CCND1: variants seen among roughly 807,000 people sequenced by gnomAD.
CCND1 encodes the protein G1/S-specific cyclin-D1.
In CCND1, 9 loss-of-function variants were observed where a neutral mutation model predicts 26.1. The ratio of observed to expected loss-of-function variants is 0.35; its 90% CI spans 0.21 to 0.60. CCND1 has a LOEUF of 0.60. CCND1 is among the 20% of genes least tolerant of loss of function. The pLI is 0.79. For missense variants in CCND1, 335 were observed against 392.9 expected (o/e 0.85, Z 1.25); for synonymous variants, 194 against 166.1 (o/e 1.17, Z -1.29).
chr11:69,651,622 C>A lies in CCND1; in HGVS notation c.*340C>A, dbSNP rs1040977626. ...CGTTTTTATATTAATGTACTTGTTTCTCTGTTGTAAGAATAGGCATTAACA... is the reference window on the plus strand; with the variant it reads ...CGTTTTTATATTAATGTACTTGTTTATCTGTTGTAAGAATAGGCATTAACA... On this transcript the variant is annotated 3_prime_UTR_variant, in exon 5 of 5. Coordinates refer to ENST00000227507, the MANE Select transcript of CCND1 (RefSeq NM_053056.3). 6 of 265,228 alleles carry A rather than the reference C, an allele frequency of 2.3e-5. No homozygotes were observed. Among genetic ancestry groups the A allele is most frequent in the African/African-American group, 1.1e-4 (5 of 46,274 alleles). The allele number at this position is 265,228 out of a possible 1,614,324, so 16.4% of individuals were successfully genotyped here. A position where few individuals can be genotyped will look rare whatever the true frequency, so the allele number is the denominator to read the frequency against.
rs569880642 is a variant in CCND1, at chr11:69,648,924, C to T, written c.723+782C>T. Among the ~76,000 whole-genome samples the T allele has an allele frequency of 2.6e-5, 4 of 152,292 alleles. No homozygotes were observed. The South Asian group carries it at 8.3e-4, about 32-fold the overall frequency. ...TCAGCAGATGCTATCTAGGGTCCAC[C>T]TGCCTGTCCCCTGCCTAGTGGTGCC... On this transcript the variant is annotated intron_variant, in intron 4 of 4. Coordinates refer to ENST00000227507, the MANE Select transcript of CCND1 (RefSeq NM_053056.3).
chr11:69,651,413 GGTT>G lies in CCND1; in HGVS notation c.*135_*137del, dbSNP rs1855854484. The G allele has an allele frequency of 2.5e-6, 2 of 802,930 alleles. No individual in the cohort carries two copies. The highest frequency in any genetic ancestry group is 3.5e-6 in the Non-Finnish European group (2 of 569,080). 49.7% of individuals were successfully genotyped at this position (802,930 alleles called of 1,614,324 possible). A position where few individuals can be genotyped will look rare whatever the true frequency, so the allele number is the denominator to read the frequency against. ...GGAAAGCTTCATTCTCCTTGTTGTT[GGTT>G]GTTTTTTCCTTTGCTCTTTCCCCCT... On this transcript the variant is annotated 3_prime_UTR_variant, in exon 5 of 5. Coordinates refer to ENST00000227507, the MANE Select transcript of CCND1 (RefSeq NM_053056.3).
intron 3 of CCND1, among the ~76,000 whole-genome samples, chr11:69,646,427 T>C (rs907442478): frequency 6.6e-6 from 1 of 152,064 alleles, no homozygotes; most frequent in African/African-American, 2.4e-5. Context: ...AGTTGTTTAT[T>C]CTCTCGGGAT....
In CCND1 at chr11:69,651,669, G is replaced by T; in HGVS notation, c.*387G>T. ...AACACAAAGGAGGCGTCTCGGGAGA[G>T]GATTAGGTTCCATCCTTTACGTGTT... is the stretch of plus-strand genomic sequence containing the variant. On this transcript the variant is annotated 3_prime_UTR_variant, in exon 5 of 5. Coordinates refer to ENST00000227507, the MANE Select transcript of CCND1 (RefSeq NM_053056.3). 4.1e-6 allele frequency: 1 copy of T among 245,162 alleles called. No individual in the cohort carries two copies. Among genetic ancestry groups the T allele is most frequent in the Non-Finnish European group, 7.9e-6 (1 of 126,744 alleles). The allele number at this position is 245,162 out of a possible 1,614,324, so 15.2% of individuals were successfully genotyped here. A position where few individuals can be genotyped will look rare whatever the true frequency, so the allele number is the denominator to read the frequency against.
At chr11:69,644,776 G>A (rs942269727) in intron 3 of CCND1, among the ~76,000 whole-genome samples, 1 of 152,174 alleles carries the variant, frequency 6.6e-6, no homozygotes, top group African/African-American at 2.4e-5. Context: ...CCCTGTGACC[G>A]CCTCCTTCCC....
At chr11:69,641,620 T>C (rs1855701563) in intron 1 of CCND1, 109 bp downstream of exon 1, 1 of 1,111,194 alleles carries the variant, frequency 9.0e-7, no homozygotes, top group Non-Finnish European at 1.3e-6. Flanking sequence ...AACTTTGAAG[T>C]TTGCCGTGGT....
chr11:69,645,245 C>G (rs541214852), intron 3 of CCND1, among the ~76,000 whole-genome samples: 2 of 152,138 alleles, frequency 1.3e-5, no homozygotes, highest in Non-Finnish European at 2.9e-5. Flanking sequence ...GAGAGGCCTC[C>G]GGAGACTCCA....
intron 3 of CCND1, among the ~76,000 whole-genome samples, chr11:69,647,221 G>C (rs1418601406): frequency 6.8e-6 from 1 of 147,376 alleles, no homozygotes; most frequent in Non-Finnish European, 1.5e-5. Context: ...GCCAGAAATA[G>C]GAGAGTTGTG....
chr11:69,646,323 GT>G (rs1046369175), intron 3 of CCND1, among the ~76,000 whole-genome samples: 12 of 152,292 alleles, frequency 7.9e-5, no homozygotes, highest in African/African-American at 2.6e-4. Context: ...TTTCTAAGTT[GT>G]TACGGCGCCC....
chr11:69,649,628 G>A (rs895738105), intron 4 of CCND1, among the ~76,000 whole-genome samples: 5 of 152,244 alleles, frequency 3.3e-5, no homozygotes, highest in African/African-American at 9.6e-5. Context: ...GCGGAGGAGC[G>A]TGCTGCCTTT....
rs751995000 is a variant in CCND1, at chr11:69,643,156, C to A, written c.324C>A (p.Phe108Leu). 4 of 1,609,418 alleles carry A rather than the reference C, an allele frequency of 2.5e-6. No individual in the cohort carries two copies. Among genetic ancestry groups the A allele is most frequent in the Non-Finnish European group, 3.4e-6 (4 of 1,178,114 alleles). Residue 108 changes from phenylalanine to leucine, a missense_variant, in exon 2 of 5, where the codon TTC (phenylalanine) becomes TTA (leucine). Coordinates refer to ENST00000227507, the MANE Select transcript of CCND1 (RefSeq NM_053056.3). ...RLQLLGATCM[F>L]VASKMKETIP... The stretch of plus-strand genomic sequence containing the variant: ...AGCTGCTGGGGGCCACTTGCATGTT[C>A]GTGGCCTCTAAGATGAAGGAGACCA...
Position 69,652,928 on chromosome 11 carries a change from GGCGTT to G in CCND1, c.*1647_*1651del. On this transcript the variant is annotated 3_prime_UTR_variant, in exon 5 of 5. Coordinates refer to ENST00000227507, the MANE Select transcript of CCND1 (RefSeq NM_053056.3). ...ACAAAGACATTGATTCAGCCTGTTT[GGCGTT>G]TCCCAGAGTCATCTGATTGGACAGG... The G allele has an allele frequency of 3.4e-6, 1 of 291,454 alleles. No individual in the cohort carries two copies. Among genetic ancestry groups the G allele is most frequent in the Non-Finnish European group, 6.4e-6 (1 of 157,306 alleles). The allele number at this position is 291,454 out of a possible 1,614,324, so 18.1% of individuals were successfully genotyped here. A position where few individuals can be genotyped will look rare whatever the true frequency, so the allele number is the denominator to read the frequency against.
rs181267777 is a variant in CCND1 at position 69,645,700 on chromosome 11, A to C, written c.574+1709A>C. Among the ~76,000 whole-genome samples, 224 of 152,316 alleles carry C rather than the reference A, an allele frequency of 1.5e-3. 2 individuals are homozygous for C. Among genetic ancestry groups the C allele is most frequent in the African/African-American group, 4.4e-3 (181 of 41,578 alleles). On this transcript the variant is annotated intron_variant, in intron 3 of 4. Coordinates refer to ENST00000227507, the MANE Select transcript of CCND1 (RefSeq NM_053056.3). ...AGACAAGAGTGACTTACGGCTGCTTAAAGTCAGAAACAGGTTGAAGGAGGT... is the reference window on the plus strand; with the variant it reads ...AGACAAGAGTGACTTACGGCTGCTTCAAGTCAGAAACAGGTTGAAGGAGGT...
chr11:69,650,651 C>T (rs191119004), intron 4 of CCND1, among the ~76,000 whole-genome samples: 3 of 152,330 alleles, frequency 2.0e-5, no homozygotes, highest in East Asian at 3.9e-4. Flanking sequence ...CCCAAGGCTT[C>T]GACAGCCATT....
intron 3 of CCND1, among the ~76,000 whole-genome samples, chr11:69,644,827 C>T (rs1210287494): frequency 6.6e-6 from 1 of 152,206 alleles, no homozygotes; most frequent in Non-Finnish European, 1.5e-5. Flanking sequence ...GGAGCATGGC[C>T]CCATCCCACC....
chr11:69,643,266 G>GC lies in CCND1; in HGVS notation c.414+26dup, dbSNP rs915462995. On this transcript the variant is annotated intron_variant, in intron 2 of 4. Transcript: ENST00000227507. ...CTGCTGGTAACCACTGGACCCCGCCGCCCCCCGCCCCCCGCGAGCCGCACG... is the reference window on the plus strand; with the variant it reads ...CTGCTGGTAACCACTGGACCCCGCCGCCCCCCCGCCCCCCGCGAGCCGCACG... 22 of 1,518,100 alleles carry GC rather than the reference G, an allele frequency of 1.4e-5. No homozygotes were observed. In the African/African-American group the frequency reaches 2.6e-4, roughly 18 times the overall value. The allele number at this position is 1,518,100 out of a possible 1,614,324, so 94.0% of individuals were successfully genotyped here.
In CCND1 at chr11:69,648,073, G is replaced by A. The variant is rs755538858; in HGVS notation, c.654G>A (p.Arg218=). 2 of 1,613,850 alleles carry A rather than the reference G, an allele frequency of 1.2e-6. No homozygotes were observed. The highest frequency in any genetic ancestry group is 1.7e-6 in the Non-Finnish European group (2 of 1,180,012). Residue 218 remains arginine (R), a synonymous_variant, in exon 4 of 5, where the codon AGG becomes AGA. Coordinates refer to ENST00000227507, the MANE Select transcript of CCND1 (RefSeq NM_053056.3). Reference sequence around the variant, plus strand: ...CCGCAGTGCAAGGCCTGAACCTGAGGAGCCCCAACAACTTCCTGTCCTACT... The same window carrying A: ...CCGCAGTGCAAGGCCTGAACCTGAGAAGCCCCAACAACTTCCTGTCCTACT... ...VVAAVQGLNL[R]SPNNFLSYYR...
Position 69,652,787 on chromosome 11 carries a change from C to CAT in CCND1, c.*1506_*1507insTA, listed in dbSNP as rs927608268. 2.6e-5 allele frequency: 6 copies of CAT among 229,720 alleles called. No homozygotes were observed. Among genetic ancestry groups the CAT allele is most frequent in the Non-Finnish European group, 5.0e-5 (6 of 120,532 alleles). The allele number at this position is 229,720 out of a possible 1,614,324, so 14.2% of individuals were successfully genotyped here. A position where few individuals can be genotyped will look rare whatever the true frequency, so the allele number is the denominator to read the frequency against. ...TGATTTAAACACACAGATACACACA[C>CAT]ACACACACACACACACAAACCTTCT... On this transcript the variant is annotated 3_prime_UTR_variant, in exon 5 of 5. Coordinates refer to ENST00000227507, the MANE Select transcript of CCND1 (RefSeq NM_053056.3).
rs1565073727 is a variant in CCND1 at position 69,651,128 on chromosome 11, G to C, written c.734G>C (p.Arg245Pro). The C allele has an allele frequency of 1.2e-6, 2 of 1,612,680 alleles. No individual in the cohort carries two copies. Among genetic ancestry groups the C allele is most frequent in the Non-Finnish European group, 1.7e-6 (2 of 1,179,322 alleles). The change falls in exon 5 of 5, where the codon CGG becomes CCG. Residue 245 changes from arginine (R) to proline (P), a missense_variant. By Grantham distance (103) the Arg-to-Pro change is moderately radical. Transcript: ENST00000227507. ...RVIKCDPDCL[R>P]ACQEQIEALL... ...CCCTCTCTCTCTCAGGACTGCCTCC[G>C]GGCCTGCCAGGAGCAGATCGAAGCC... is the stretch of plus-strand genomic sequence containing the variant.
Sources: allele counts gnomAD v4.1 joint callset (sites outside exome capture counted in the v4.1 genomes callset), GRCh38; gene constraint gnomAD v4.1.1; transcripts MANE v1.5; gene names NCBI Gene and HGNC (gene_info 2026-07-23, HGNC 2026-07-21).